The following LRP5 variants were observed in gnomAD, a reference collection of about 807,000 sequenced individuals.
LRP5 encodes LDL receptor related protein 5, also known as low-density lipoprotein receptor-related protein 5.
LRP5 carries 62 observed loss-of-function variants against 154.1 expected under a neutral mutation model. The observed-to-expected ratio is 0.40, with a 90% CI of 0.33 to 0.50. The LOEUF (loss-of-function observed/expected upper bound fraction) is 0.50. LRP5 is among the 20% of genes least tolerant of loss of function. LRP5 has a pLI of 0.55. For missense variants in LRP5, 1,915 were observed against 2,336.7 expected, an observed-to-expected ratio of 0.82 and a Z score of 3.72; for synonymous variants, 966 against 1,011.5, an observed-to-expected ratio of 0.96 and a Z score of 0.85.
At chr11:68,377,951 T>C (rs915660196) in intron 5 of LRP5, among the ~76,000 whole-genome samples, 1 of 152,102 alleles carries the variant, frequency 6.6e-6, no homozygotes, top group African/African-American at 2.4e-5. Flanking sequence ...TGGTGCCGGC[T>C]GTGGTGGGAG....
At chr11:68,419,922 C>T (rs1162952716) in intron 13 of LRP5, among the ~76,000 whole-genome samples, 1 of 151,514 alleles carries the variant, frequency 6.6e-6, no homozygotes, top group African/African-American at 2.4e-5. Context: ...CTGCAGCCTC[C>T]GCCTCCCAGG....
rs1008519514 is a variant in LRP5 at position 68,433,709 on chromosome 11, G to A, written c.3871G>A (p.Asp1291Asn). 4 of 1,613,058 alleles carry A rather than the reference G, an allele frequency of 2.5e-6. No homozygotes were observed. Among genetic ancestry groups the A allele is most frequent in the South Asian group, 1.1e-5 (1 of 91,080 alleles). ...DGFPECDDQS[D>N]EEGCPVCSAA... Reference sequence around the variant, plus strand: ...CTTTCCCGAGTGCGATGACCAGAGCGACGAGGAGGGCTGCCCCGTGTGCTC... The same window carrying A: ...CTTTCCCGAGTGCGATGACCAGAGCAACGAGGAGGGCTGCCCCGTGTGCTC... Residue 1291 changes from aspartate (D) to asparagine (N), a missense_variant, in exon 18 of 23, where the codon GAC (aspartate) becomes AAC (asparagine). Physicochemically the swap from Asp to Asn is conservative, Grantham distance 23. Transcript: ENST00000294304.
At chr11:68,439,458 T>C (rs1055190840) in intron 20 of LRP5, among the ~76,000 whole-genome samples, 7 of 152,192 alleles carry the variant, frequency 4.6e-5, no homozygotes, top group Non-Finnish European at 1.0e-4. Context: ...ACCATCACAG[T>C]CGCAGCAGCC....
At chr11:68,398,334 C>T (rs2098650693) in intron 7 of LRP5, among the ~76,000 whole-genome samples, 1 of 152,230 alleles carries the variant, frequency 6.6e-6, no homozygotes, top group Admixed American at 6.5e-5. Context: ...TCATTCCCTC[C>T]CAGCTGGCAG....
chr11:68,382,288 CAGAGGGCT>C (rs2098640669), intron 5 of LRP5, among the ~76,000 whole-genome samples: 1 of 152,210 alleles, frequency 6.6e-6, no homozygotes, highest in African/African-American at 2.4e-5. Flanking sequence ...ACCTAGTTAC[CAGAGGGCT>C]AGGGCTGGGT....
At chr11:68,440,396 C>G (rs2098677553) in intron 21 of LRP5, among the ~76,000 whole-genome samples, 2 of 152,142 alleles carry the variant, frequency 1.3e-5, no homozygotes, top group Non-Finnish European at 2.9e-5. Context: ...CTCCCTGGAG[C>G]TTTTGGCAGG....
At chr11:68,429,473 G>A in intron 16 of LRP5, 102 bp from the exon 17 acceptor site, 1 of 1,466,668 alleles carries the variant, frequency 6.8e-7, no homozygotes, top group Non-Finnish European at 9.5e-7. Flanking sequence ...CCTGCAGGAG[G>A]GCCAGTTCTC....
chr11:68,364,388 G>GTA (rs1555077463), intron 4 of LRP5, among the ~76,000 whole-genome samples: 1 of 149,038 alleles, frequency 6.7e-6, no homozygotes, highest in Non-Finnish European at 1.5e-5. Flanking sequence ...GTGTGTGTGT[G>GTA]TATGTATTTT....
intron 3 of LRP5, among the ~76,000 whole-genome samples, chr11:68,362,602 A>C (rs2098628704): frequency 6.6e-6 from 1 of 151,804 alleles, no homozygotes; most frequent in Admixed American, 6.6e-5. Context: ...GAGGTGGGAG[A>C]ATCGCTTGAA....
At chr11:68,306,617 T>A in the LRP5 span, among the ~76,000 whole-genome samples, 1 of 152,270 alleles carries the variant, frequency 6.6e-6, no homozygotes, top group African/African-American at 2.4e-5. Flanking sequence ...TGAAGGCCAC[T>A]GTTCAATCCA....
At chr11:68,411,693 C>T (rs953199494) in intron 11 of LRP5, 73 bp downstream of exon 11, 213 of 1,483,154 alleles carry the variant, frequency 1.4e-4, no homozygotes, top group Non-Finnish European at 1.8e-4. Flanking sequence ...CCAGCCTCGC[C>T]GCACATACCC....
At position 68,448,371 on chromosome 11, in the gene LRP5, C is replaced by T. The variant is rs562420011; in HGVS notation, c.4587-438C>T. Among the ~76,000 whole-genome samples the T allele has an allele frequency of 2.0e-5, 3 of 152,236 alleles. No homozygotes were observed. In the South Asian group the frequency reaches 6.2e-4, roughly 32 times the overall value. On this transcript the variant is annotated intron_variant, in intron 22 of 22. Transcript: ENST00000294304. ...AGTGTTAGGTGAACAGTTGTCCAGT[C>T]TCCTGTTTTGTCGGACACTGTTTCT...
intron 10 of LRP5, 105 bp from the exon 11 acceptor site, chr11:68,411,331 G>A (rs2098659335): frequency 4.7e-6 from 6 of 1,264,788 alleles, no homozygotes; most frequent in Non-Finnish European, 6.7e-6. Flanking sequence ...CCAGGACGGG[G>A]AGGGCTGAGC....
chr11:68,399,359 C>T (rs1158699868), intron 7 of LRP5, among the ~76,000 whole-genome samples: 1 of 151,754 alleles, frequency 6.6e-6, no homozygotes, highest in Non-Finnish European at 1.5e-5. Context: ...TGACAGAGCC[C>T]AGACCCTGCC....
At chr11:68,446,937 G>A in intron 22 of LRP5, 1 of 337,848 alleles carries the variant, frequency 3.0e-6, no homozygotes, top group Non-Finnish European at 5.9e-6. Flanking sequence ...GATGGGACAA[G>A]TCTGTGAAGG....
At chr11:68,344,025 A>G (rs1039157216) in intron 1 of LRP5, among the ~76,000 whole-genome samples, 3 of 152,062 alleles carry the variant, frequency 2.0e-5, no homozygotes, top group Non-Finnish European at 4.4e-5. Context: ...CTGGTGTTCC[A>G]GAGCAGCTGC....
chr11:68,325,563 G>C (rs2098599171), intron 1 of LRP5, among the ~76,000 whole-genome samples: 1 of 152,214 alleles, frequency 6.6e-6, no homozygotes, highest in African/African-American at 2.4e-5. Context: ...AGAAGCTGCT[G>C]TTTCGGACAC....
At chr11:68,407,101 C>T (rs1565084102) in intron 9 of LRP5, among the ~76,000 whole-genome samples, 2 of 151,978 alleles carry the variant, frequency 1.3e-5, no homozygotes, top group Admixed American at 6.6e-5. Context: ...TGTCGGTGCC[C>T]GTTTGCTCAG....
chr11:68,371,984 G>A (rs566595960), intron 5 of LRP5, among the ~76,000 whole-genome samples: 3 of 152,384 alleles, frequency 2.0e-5, no homozygotes, highest in East Asian at 1.9e-4. Context: ...TCCAGTGTCC[G>A]GGGGTGAAGG....
Sources: gnomAD v4.1 joint callset for allele counts (sites outside exome capture counted in the v4.1 genomes callset) on GRCh38, gnomAD v4.1.1 for gene constraint, MANE v1.5 for transcripts, NCBI Gene and HGNC (gene_info 2026-07-23, HGNC 2026-07-21) for gene names.